MSRA: variants seen among roughly 807,000 people sequenced by gnomAD.
MSRA encodes methionine sulfoxide reductase A.
MSRA carries 54 observed loss-of-function variants against 31.3 expected under a neutral mutation model. That is an observed-to-expected ratio of 1.73 (90% CI 1.39 to 2.17). The LOEUF (loss-of-function observed/expected upper bound fraction) is 2.17, where lower values mean the gene tolerates loss of function less well. Ranked by LOEUF, MSRA falls within the 30% of genes most tolerant of loss-of-function variation. MSRA has a pLI of 0.00. For synonymous variants in MSRA, 169 were observed against 116.5 expected, an observed-to-expected ratio of 1.45 and a Z score of -2.90; for missense variants, 507 against 300.9, an observed-to-expected ratio of 1.69 and a Z score of -5.07.
At chr8:10,364,571 A>C (rs561694914) in intron 5 of MSRA, among the ~76,000 whole-genome samples, 10 of 152,330 alleles carry the variant, frequency 6.6e-5, no homozygotes, top group African/African-American at 2.4e-4. Context: ...AAAAAATATC[A>C]AGAGTTCCTG....
intron 3 of MSRA, among the ~76,000 whole-genome samples, chr8:10,252,584 G>A (rs1797973788): frequency 6.6e-6 from 1 of 152,144 alleles, no homozygotes; most frequent in Non-Finnish European, 1.5e-5. Context: ...ATTGAACTGG[G>A]GAGTGGTATG....
chr8:10,121,729 G>A lies in MSRA; in HGVS notation c.142+67071G>A, dbSNP rs375254358. Reference sequence around the variant, plus strand: ...CTGTTTGCCTAGGCTGGCATGCAGCGGTATGATCATAGCTTACTACGGCTT... The same window carrying A: ...CTGTTTGCCTAGGCTGGCATGCAGCAGTATGATCATAGCTTACTACGGCTT... On this transcript the variant is annotated intron_variant, in intron 1 of 5. Transcript: ENST00000317173. 2.6e-5 allele frequency among the ~76,000 whole-genome samples: 4 copies of A among 151,742 alleles called. No homozygotes were observed. In the East Asian group the frequency reaches 5.8e-4, roughly 22 times the overall value.
chr8:10,329,249 G>T (rs866517769), intron 5 of MSRA, among the ~76,000 whole-genome samples: 1 of 152,202 alleles, frequency 6.6e-6, no homozygotes, highest in Non-Finnish European at 1.5e-5. Flanking sequence ...GAAGCCCAAA[G>T]TCAATTTCCC....
At chr8:10,330,308 A>G (rs536971307) in intron 5 of MSRA, among the ~76,000 whole-genome samples, 20 of 152,158 alleles carry the variant, frequency 1.3e-4, no homozygotes, top group Middle Eastern at 6.8e-3. Context: ...AATAGTTTTA[A>G]TTATACCAAC....
intron 4 of MSRA, among the ~76,000 whole-genome samples, chr8:10,317,419 C>A (rs940060127): frequency 6.6e-6 from 1 of 152,214 alleles, no homozygotes; most frequent in Non-Finnish European, 1.5e-5. Flanking sequence ...ATAGATGAAG[C>A]GTTTCTGTTT....
intron 1 of MSRA, among the ~76,000 whole-genome samples, chr8:10,111,705 A>G (rs2129013628): frequency 6.6e-6 from 1 of 152,372 alleles, no homozygotes; most frequent in African/African-American, 2.4e-5. Flanking sequence ...GCATGAGAAG[A>G]GCAGTCAAAA....
intron 5 of MSRA, among the ~76,000 whole-genome samples, chr8:10,325,250 A>G (rs1802294078): frequency 1.3e-5 from 2 of 152,198 alleles, no homozygotes; most frequent in South Asian, 2.1e-4. Context: ...ACACAGTTCA[A>G]TTTTAGCAGA....
intron 1 of MSRA, among the ~76,000 whole-genome samples, chr8:10,169,531 T>A (rs1805422264): frequency 6.6e-6 from 1 of 152,178 alleles, no homozygotes; most frequent in Non-Finnish European, 1.5e-5. Context: ...AAGAAAACAT[T>A]GGCAAAAATC....
At chr8:10,398,258 A>G (rs1401312112) in intron 5 of MSRA, among the ~76,000 whole-genome samples, 1 of 152,192 alleles carries the variant, frequency 6.6e-6, no homozygotes, top group African/African-American at 2.4e-5. Flanking sequence ...AAGCCATTCC[A>G]TTATCAGAGA....
At chr8:10,108,075 C>A (rs1563103525) in intron 1 of MSRA, among the ~76,000 whole-genome samples, 1 of 152,044 alleles carries the variant, frequency 6.6e-6, no homozygotes, top group Non-Finnish European at 1.5e-5. Flanking sequence ...CTTAATGTTC[C>A]TGAAGGGTAT....
chr8:10,428,258 C>T lies in MSRA; in HGVS notation c.654C>T (p.Gly218=), dbSNP rs1309940486. ...AGTACCTGAGCAAGAACCCCAATGG[C>T]TACTGCGGCCTTGGGGGCACCGGCG... The part of the protein sequence containing the change: ...HQQYLSKNPN[G]YCGLGGTGVS... Residue 218 remains glycine (G), a synonymous_variant, in exon 6 of 6, where the codon GGC becomes GGT. Coordinates refer to ENST00000317173, the MANE Select transcript of MSRA (RefSeq NM_012331.5). 6.2e-7 allele frequency: 1 copy of T among 1,614,224 alleles called. No homozygotes were observed. The highest frequency in any genetic ancestry group is 1.7e-4 in the Middle Eastern group (1 of 6,060).
At position 10,244,008 on chromosome 8, in the gene MSRA, G is replaced by T. The variant is rs140796051; in HGVS notation, c.212-1096G>T. On this transcript the variant is annotated intron_variant, in intron 2 of 5. Coordinates refer to ENST00000317173, the MANE Select transcript of MSRA (RefSeq NM_012331.5). ...TTACTTTTTGGGTTTTGTTGCTTTG[G>T]ATTTTTAGAGTAGAATATTAAAGAG... 4.9e-3 allele frequency among the ~76,000 whole-genome samples: 741 copies of T among 152,100 alleles called. 6 individuals carry two copies. The highest frequency in any genetic ancestry group is 0.017 in the African/African-American group (688 of 41,474).
intron 5 of MSRA, among the ~76,000 whole-genome samples, chr8:10,366,150 G>A (rs1805152638): frequency 6.6e-6 from 1 of 152,244 alleles, no homozygotes; most frequent in African/African-American, 2.4e-5. Flanking sequence ...GCTTTCTAGA[G>A]CAGATGGGCT....
chr8:10,219,125 A>G (rs1026092072), intron 2 of MSRA, among the ~76,000 whole-genome samples: 5 of 152,238 alleles, frequency 3.3e-5, no homozygotes, highest in African/African-American at 1.2e-4. Context: ...AATGCCTTCA[A>G]ACTGTTGAAA....
intron 3 of MSRA, among the ~76,000 whole-genome samples, chr8:10,260,207 T>C (rs1241294355): frequency 2.0e-4 from 31 of 152,230 alleles, no homozygotes; most frequent in Admixed American, 2.0e-3. Context: ...CTCCTTGCCA[T>C]TTGGTCCAGT....
At chr8:10,250,300 G>T in intron 3 of MSRA, 1 of 613,514 alleles carries the variant, frequency 1.6e-6, no homozygotes, top group South Asian at 2.0e-5. Context: ...AAGACATTCT[G>T]CAATGGATAA....
Position 10,054,427 on chromosome 8 carries a change from G to A in MSRA, c.-90G>A. On this transcript the variant is annotated 5_prime_UTR_variant, in exon 1 of 6. Transcript: ENST00000317173. The stretch of plus-strand genomic sequence containing the variant: ...CGCGCCCCTGCCGCCCCCCGGTTCC[G>A]GCCGCGGACCCCACTCTCTGCCGTT... 1.7e-5 allele frequency: 10 copies of A among 604,972 alleles called. No individual in the cohort carries two copies. Among genetic ancestry groups the A allele is most frequent in the Non-Finnish European group, 2.0e-5 (9 of 452,676 alleles). The allele number at this position is 604,972 out of a possible 1,614,324, so 37.5% of individuals were successfully genotyped here.
chr8:10,249,107 T>C (rs1250192995), intron 3 of MSRA, among the ~76,000 whole-genome samples: 1 of 152,150 alleles, frequency 6.6e-6, no homozygotes, highest in East Asian at 1.9e-4. Flanking sequence ...CCACAGAGCC[T>C]GATACCCTGG....
intron 1 of MSRA, among the ~76,000 whole-genome samples, chr8:10,113,314 TG>T (rs1800437566): frequency 8.0e-6 from 1 of 125,126 alleles, no homozygotes; most frequent in African/African-American, 4.1e-5. Flanking sequence ...TTTTTTTTTT[TG>T]GAGGTGTGTG....
Sources: allele counts gnomAD v4.1 joint callset (sites outside exome capture counted in the v4.1 genomes callset), GRCh38; gene constraint gnomAD v4.1.1; transcripts MANE v1.5; gene names NCBI Gene and HGNC (gene_info 2026-07-23, HGNC 2026-07-21).